VWA2: variants seen among roughly 807,000 people sequenced by gnomAD.
The protein encoded by VWA2 is von Willebrand factor A domain containing 2, also known as von Willebrand factor A domain-containing protein 2.
Under a neutral mutation model 70.4 loss-of-function variants are expected in VWA2, and 73 were observed. That is an observed-to-expected ratio of 1.04 (90% CI 0.86 to 1.26). The LOEUF (loss-of-function observed/expected upper bound fraction) is 1.26, where lower values mean the gene tolerates loss of function less well. Among genes scored for constraint, VWA2 ranks in the 50% most tolerant of loss-of-function variants. The probability of loss-of-function intolerance (pLI) is 0.00; values close to 1 mark genes in which losing one functional copy is unlikely to be tolerated. For synonymous variants in VWA2, 407 were observed against 423.3 expected, an observed-to-expected ratio of 0.96 and a Z score of 0.47; for missense variants, 1,011 against 998.5, an observed-to-expected ratio of 1.01 and a Z score of -0.17.
intron 1 of VWA2, among the ~76,000 whole-genome samples, chr10:114,247,701 G>C (rs1380715773): frequency 2.0e-5 from 3 of 151,934 alleles, no homozygotes; most frequent in African/African-American, 7.2e-5. Context: ...GTATCTTGAG[G>C]TCCAAACATC....
intron 13 of VWA2, among the ~76,000 whole-genome samples, chr10:114,290,638 A>G (rs975477627): frequency 7.2e-5 from 11 of 152,144 alleles, no homozygotes; most frequent in Admixed American, 5.2e-4. Flanking sequence ...ATAATACAAC[A>G]TGTGGTGTGG....
Position 114,245,923 on chromosome 10 carries a change from A to G in VWA2, c.-10-2781A>G, listed in dbSNP as rs1030077398. On this transcript the variant is annotated intron_variant, in intron 1 of 13. Transcript: ENST00000392982. The stretch of plus-strand genomic sequence containing the variant: ...TTGAAATCCAAGGAGCTCTATAGAC[A>G]GTTCCAAGTGGTGCATATTTTAGAA... Among the ~76,000 whole-genome samples, 6 of 152,200 alleles carry G rather than the reference A, an allele frequency of 3.9e-5. 1 individual carries two copies. The highest frequency in any genetic ancestry group is 1.4e-4 in the African/African-American group (6 of 41,454).
At chr10:114,244,643 G>A (rs1036283232) in intron 1 of VWA2, among the ~76,000 whole-genome samples, 7 of 147,846 alleles carry the variant, frequency 4.7e-5, no homozygotes, top group African/African-American at 1.8e-4. Flanking sequence ...TAAAAAAAAA[G>A]CTTTCCAGGT....
chr10:114,284,996 C>G (rs1055754353), intron 10 of VWA2, 26 bp downstream of exon 10: 1 of 1,539,748 alleles, frequency 6.5e-7, no homozygotes, highest in Admixed American at 2.1e-5. Flanking sequence ...CCCTGCAAGA[C>G]TGACCACTGG....
rs1442326865 is a variant in VWA2, at chr10:114,289,553, C to T, written c.2122+64C>T. 5 of 1,573,338 alleles carry T rather than the reference C, an allele frequency of 3.2e-6. No individual in the cohort carries two copies. The Admixed American group carries it at 8.4e-5, about 26-fold the overall frequency. ...GGCAGGCCCTCAGCCTGAGCCTTCA[C>T]ATACATCATGACGAGGATGGCAGCT... On this transcript the variant is annotated intron_variant, in intron 12 of 13. Coordinates refer to ENST00000392982, the MANE Select transcript of VWA2 (RefSeq NM_001272046.2).
chr10:114,246,524 AAC>A lies in VWA2; in HGVS notation c.-10-2179_-10-2178del, dbSNP rs1307233311. Reference sequence around the variant, plus strand: ...CCATCTCAAAAAAAAAAAAAAAAAAAACGAGTATCATGGGTTGAATTCACATT... The same window carrying A: ...CCATCTCAAAAAAAAAAAAAAAAAAAGAGTATCATGGGTTGAATTCACATT... On this transcript the variant is annotated intron_variant, in intron 1 of 13. Coordinates refer to ENST00000392982, the MANE Select transcript of VWA2 (RefSeq NM_001272046.2). 4.4e-3 allele frequency: 3,506 copies of A among 790,004 alleles called. 19 individuals carry two copies. Among genetic ancestry groups the A allele is most frequent in the Middle Eastern group, 9.4e-3 (24 of 2,562 alleles). The allele number at this position is 790,004 out of a possible 1,614,324, so 48.9% of individuals were successfully genotyped here. A position where few individuals can be genotyped will look rare whatever the true frequency, so the allele number is the denominator to read the frequency against.
chr10:114,240,285 T>G (rs2036952762), intron 1 of VWA2, among the ~76,000 whole-genome samples: 1 of 152,210 alleles, frequency 6.6e-6, no homozygotes, highest in African/African-American at 2.4e-5. Flanking sequence ...TAAGCCGACC[T>G]TTCCCTCCCG....
intron 2 of VWA2, 144 bp downstream of exon 2, chr10:114,248,909 C>A: frequency 1.2e-6 from 1 of 817,514 alleles, no homozygotes; most frequent in Non-Finnish European, 2.1e-6. Flanking sequence ...TAGTCCAAGC[C>A]ATGTCATCTT....
At chr10:114,246,670 A>T in intron 1 of VWA2, 2 of 1,558,576 alleles carry the variant, frequency 1.3e-6, no homozygotes, top group Admixed American at 3.3e-5. Flanking sequence ...AAATTCATCA[A>T]AACCATTAAA....
intron 4 of VWA2, among the ~76,000 whole-genome samples, chr10:114,258,079 A>T (rs979766795): frequency 6.6e-6 from 1 of 152,194 alleles, no homozygotes; most frequent in African/African-American, 2.4e-5. Context: ...GGGTAAGTGA[A>T]TTAGTGTCTT....
In VWA2 at chr10:114,289,394, G is replaced by A. The variant is rs200221496; in HGVS notation, c.2027G>A (p.Arg676Gln). Residue 676 changes from arginine (R) to glutamine (Q), a missense_variant, in exon 12 of 14, where the codon CGG becomes CAG. Physicochemically the swap from Arg to Gln is conservative, Grantham distance 43. Coordinates refer to ENST00000392982, the MANE Select transcript of VWA2 (RefSeq NM_001272046.2). ...GVGPVLSEGLRRLAGPRDSLI... is the reference protein window; with the variant it reads ...GVGPVLSEGLQRLAGPRDSLI... The stretch of plus-strand genomic sequence containing the variant: ...GGGCCTGTCCTAAGTGAGGGTCTGC[G>A]GAGGCTTGCAGGTCCCCGGGATTCC... 9.2e-5 allele frequency: 149 copies of A among 1,612,364 alleles called. No individual in the cohort carries two copies. Among genetic ancestry groups the A allele is most frequent in the Middle Eastern group, 8.2e-4 (5 of 6,062 alleles).
intron 11 of VWA2, among the ~76,000 whole-genome samples, chr10:114,287,370 G>A (rs967776600): frequency 6.6e-6 from 1 of 152,092 alleles, no homozygotes; most frequent in Non-Finnish European, 1.5e-5. Flanking sequence ...TTAGAGAGAT[G>A]TGGTCTTGCT....
At chr10:114,253,505 G>T in intron 2 of VWA2, 146 bp from the exon 3 acceptor site, 1 of 694,476 alleles carries the variant, frequency 1.4e-6, no homozygotes, top group South Asian at 1.8e-5. Flanking sequence ...TTATCCGTCT[G>T]GTAATTTTTG....
chr10:114,257,593 G>C (rs2037358160), intron 4 of VWA2, among the ~76,000 whole-genome samples: 1 of 152,190 alleles, frequency 6.6e-6, no homozygotes, highest in Non-Finnish European at 1.5e-5. Context: ...TTTTGACTCA[G>C]CCCAGGACTT....
chr10:114,252,052 C>T (rs938571384), intron 2 of VWA2, among the ~76,000 whole-genome samples: 2 of 152,074 alleles, frequency 1.3e-5, no homozygotes, highest in Non-Finnish European at 2.9e-5. Context: ...GGTGATCCAC[C>T]GCCTCAGTCT....
At chr10:114,267,822 G>T (rs2037607685) in intron 5 of VWA2, among the ~76,000 whole-genome samples, 1 of 152,148 alleles carries the variant, frequency 6.6e-6, no homozygotes, top group Non-Finnish European at 1.5e-5. Flanking sequence ...GAGGAGGGGA[G>T]GGAGTGCTGG....
intron 11 of VWA2, among the ~76,000 whole-genome samples, chr10:114,288,488 G>T (rs1235265037): frequency 6.6e-6 from 1 of 152,252 alleles, no homozygotes; most frequent in African/African-American, 2.4e-5. Context: ...AACCCCATGG[G>T]TTACATAAGA....
intron 2 of VWA2, 120 bp from the exon 3 acceptor site, chr10:114,253,531 C>A: frequency 1.2e-6 from 1 of 812,956 alleles, no homozygotes; most frequent in Non-Finnish European, 2.0e-6. Context: ...CAAGAATCAT[C>A]ACTCCCCCAC....
At position 114,277,166 on chromosome 10, in the gene VWA2, G is replaced by A. The variant is rs554532603; in HGVS notation, c.567-748G>A. On this transcript the variant is annotated intron_variant, in intron 6 of 13. Transcript: ENST00000392982. ...CTTCTAGATACATTACTGACTGCAC[G>A]TCTTTTTTTTTTTTTTTTTTTTTTT... Among the ~76,000 whole-genome samples, 611 of 89,370 alleles carry A rather than the reference G, an allele frequency of 6.8e-3. 8 individuals carry two copies. Among genetic ancestry groups the A allele is most frequent in the African/African-American group, 0.026 (566 of 21,386 alleles). The allele number at this position is 89,370 out of a possible 152,430, so 58.6% of individuals were successfully genotyped here.
Sources: gnomAD v4.1 joint callset for allele counts (sites outside exome capture counted in the v4.1 genomes callset) on GRCh38, gnomAD v4.1.1 for gene constraint, MANE v1.5 for transcripts, NCBI Gene and HGNC (gene_info 2026-07-23, HGNC 2026-07-21) for gene names.